RBFOX1: variants seen among roughly 807,000 people sequenced by gnomAD.
RBFOX1 encodes RNA binding protein fox-1 homolog 1.
RBFOX1 carries 8 observed loss-of-function variants against 57.7 expected under a neutral mutation model. The ratio of observed to expected loss-of-function variants is 0.14; its 90% confidence interval spans 0.08 to 0.25. The LOEUF is 0.25. RBFOX1 is among the 10% of genes least tolerant of loss of function. The pLI is 1.00. For missense variants in RBFOX1, 611 were observed against 548.5 expected (o/e 1.11, Z -1.14); for synonymous variants, 326 against 222.4 (o/e 1.47, Z -4.15).
intron 1 of RBFOX1, among the ~76,000 whole-genome samples, chr16:6,110,869 G>A (rs2096438951): frequency 6.6e-6 from 1 of 152,174 alleles, no homozygotes; most frequent in African/African-American, 2.4e-5. Context: ...CACAGCACCA[G>A]CCCCCACCAC....
intron 14 of RBFOX1, among the ~76,000 whole-genome samples, chr16:7,695,509 C>T (rs1029144567): frequency 2.0e-5 from 3 of 151,922 alleles, no homozygotes; most frequent in Non-Finnish European, 4.4e-5. Context: ...AAAAATTAGC[C>T]GGGTGTGGTG....
chr16:5,989,156 TA>T (rs71404568), intron 4 of RBFOX1, among the ~76,000 whole-genome samples: 1,525 of 133,906 alleles, frequency 0.011, 13 homozygotes, highest in African/African-American at 0.026. Flanking sequence ...CTGTCTCTAC[TA>T]AAAAAAAAAA....
Position 6,055,004 on chromosome 16 carries a change from G to C in RBFOX1, c.-127+35012G>C, listed in dbSNP as rs535593373. On this transcript the variant is annotated intron_variant, in intron 1 of 15. Coordinates refer to ENST00000550418, the MANE Select transcript of RBFOX1 (RefSeq NM_018723.4). Reference sequence around the variant, plus strand: ...TCACCATGTTGGCCAGGATTGTCTTGATTTAATTTTTAGTAAATATTGTCA... The same window carrying C: ...TCACCATGTTGGCCAGGATTGTCTTCATTTAATTTTTAGTAAATATTGTCA... 3.3e-5 allele frequency among the ~76,000 whole-genome samples: 5 copies of C among 152,078 alleles called. No homozygotes were observed. In the East Asian group the frequency reaches 9.7e-4, roughly 30 times the overall value.
chr16:7,208,694 G>A (rs897251149), intron 4 of RBFOX1, among the ~76,000 whole-genome samples: 2 of 152,104 alleles, frequency 1.3e-5, no homozygotes, highest in Admixed American at 6.6e-5. Flanking sequence ...AAGATTAGCT[G>A]GGCATGATGG....
At chr16:7,469,150 G>T (rs1405298242) in intron 4 of RBFOX1, among the ~76,000 whole-genome samples, 1 of 151,984 alleles carries the variant, frequency 6.6e-6, no homozygotes, top group Non-Finnish European at 1.5e-5. Flanking sequence ...TAGCCAGGAT[G>T]GTCTCAATCT....
chr16:6,374,487 A>G (rs1223907081), intron 2 of RBFOX1, among the ~76,000 whole-genome samples: 4 of 152,158 alleles, frequency 2.6e-5, no homozygotes, highest in African/African-American at 7.2e-5. Context: ...TTGGCCATAT[A>G]TATGTTTTTT....
intron 3 of RBFOX1, among the ~76,000 whole-genome samples, chr16:7,010,467 C>T (rs945607419): frequency 6.6e-6 from 1 of 151,960 alleles, no homozygotes; most frequent in African/African-American, 2.4e-5. Context: ...ATCCGAGGGG[C>T]TAGATCTCTG....
At chr16:7,319,733 A>G (rs2096510590) in intron 4 of RBFOX1, among the ~76,000 whole-genome samples, 1 of 152,166 alleles carries the variant, frequency 6.6e-6, no homozygotes, top group Non-Finnish European at 1.5e-5. Context: ...TGGTCATGTG[A>G]AGCAGGCAGA....
chr16:6,078,567 A>G (rs2095947298), intron 1 of RBFOX1, among the ~76,000 whole-genome samples: 1 of 152,180 alleles, frequency 6.6e-6, no homozygotes, highest in Non-Finnish European at 1.5e-5. Context: ...TAGCTGTGTG[A>G]CCTTGGGCAA....
At chr16:6,408,111 G>A (rs146764473) in intron 2 of RBFOX1, among the ~76,000 whole-genome samples, 15 of 152,224 alleles carry the variant, frequency 9.9e-5, no homozygotes, top group African/African-American at 3.6e-4. Context: ...CGTCAAATCT[G>A]TCGACACCTT....
intron 1 of RBFOX1, among the ~76,000 whole-genome samples, chr16:6,020,840 C>T (rs1214988184): frequency 6.6e-6 from 1 of 152,138 alleles, no homozygotes; most frequent in Non-Finnish European, 1.5e-5. Flanking sequence ...GCGCCAGCTG[C>T]GGGGACCAGG....
At position 5,377,929 on chromosome 16, in the gene RBFOX1, A is replaced by C. The variant is rs1480778682; in HGVS notation, c.220-89287A>C. On this transcript the variant is annotated intron_variant, in intron 1 of 2. Coordinates refer to the RBFOX1 transcript ENST00000585867. ...CGTTTGAAACCGTTTCTTACTTCCCACTAATGGGAGCCTATTCAGGTAATT... is the reference window on the plus strand; with the variant it reads ...CGTTTGAAACCGTTTCTTACTTCCCCCTAATGGGAGCCTATTCAGGTAATT... Among the ~76,000 whole-genome samples, 2 of 151,624 alleles carry C rather than the reference A, an allele frequency of 1.3e-5. 1 individual carries two copies. Among genetic ancestry groups the C allele is most frequent in the African/African-American group, 4.9e-5 (2 of 40,902 alleles).
chr16:6,986,733 C>T (rs907541856), intron 3 of RBFOX1, among the ~76,000 whole-genome samples: 4 of 152,018 alleles, frequency 2.6e-5, no homozygotes, highest in South Asian at 2.1e-4. Flanking sequence ...GGTATCTTTT[C>T]GTGACAAGAA....
At chr16:5,457,251 C>T (rs2068658561) in intron 1 of RBFOX1, among the ~76,000 whole-genome samples, 1 of 152,200 alleles carries the variant, frequency 6.6e-6, no homozygotes, top group Admixed American at 6.5e-5. Flanking sequence ...CCTCCTGCCT[C>T]AGCCTCCCAA....
intron 1 of RBFOX1, among the ~76,000 whole-genome samples, chr16:6,102,473 C>T (rs367863257): frequency 1.6e-4 from 25 of 152,224 alleles, no homozygotes; most frequent in East Asian, 1.4e-3. Context: ...TGCACGTCAA[C>T]GGCTGAGGAC....
intron 4 of RBFOX1, among the ~76,000 whole-genome samples, chr16:7,483,980 G>A (rs559933068): frequency 3.9e-5 from 6 of 152,114 alleles, no homozygotes; most frequent in Non-Finnish European, 7.4e-5. Flanking sequence ...GTTTCCTTAC[G>A]CTTTATTTTC....
chr16:5,776,660 A>C (rs965135565), intron 3 of RBFOX1, among the ~76,000 whole-genome samples: 1 of 152,236 alleles, frequency 6.6e-6, no homozygotes. Flanking sequence ...TGTTAGTATT[A>C]TCATCCCCAG....
chr16:5,573,662 C>G (rs1327780295), intron 2 of RBFOX1, among the ~76,000 whole-genome samples: 2 of 152,152 alleles, frequency 1.3e-5, no homozygotes, highest in Non-Finnish European at 2.9e-5. Flanking sequence ...CCCAAGGCTC[C>G]TCTCTAAGAA....
At chr16:6,879,691 T>C (rs748171708) in intron 3 of RBFOX1, among the ~76,000 whole-genome samples, 4 of 152,212 alleles carry the variant, frequency 2.6e-5, no homozygotes, top group Non-Finnish European at 5.9e-5. Context: ...TACGTCTCTG[T>C]TTAATTGTAA....
Sources: gnomAD v4.1 joint callset for allele counts (sites outside exome capture counted in the v4.1 genomes callset) on GRCh38, gnomAD v4.1.1 for gene constraint, MANE v1.5 for transcripts, NCBI Gene and HGNC (gene_info 2026-07-23, HGNC 2026-07-21) for gene names.